Variants in EIF4G2 observed in about 807,000 individuals in gnomAD.
The protein encoded by EIF4G2 is eukaryotic translation initiation factor 4 gamma 2, also known as DAP-5.
A neutral mutation model predicts 117.7 loss-of-function variants in EIF4G2; 8 were observed. That is an observed-to-expected ratio of 0.07 (90% CI 0.04 to 0.12). The LOEUF is 0.12. Among genes scored for constraint, EIF4G2 ranks in the 10% least tolerant of loss-of-function variants. The probability of loss-of-function intolerance (pLI) is 1.00; values close to 1 mark genes in which losing one functional copy is unlikely to be tolerated. For missense variants in EIF4G2, 812 were observed against 1,086.2 expected, an observed-to-expected ratio of 0.75 and a Z score of 3.55; for synonymous variants, 413 against 367.8, an observed-to-expected ratio of 1.12 and a Z score of -1.41.
rs372224386 is a variant in EIF4G2 at position 10,799,762 on chromosome 11, G to A, written c.2120-6C>T. On this transcript the variant is annotated splice_polypyrimidine_tract_variant and splice_region_variant and intron_variant, in intron 18 of 21. Coordinates refer to ENST00000339995, the MANE Select transcript of EIF4G2 (RefSeq NM_001418.4). ...GTCCTTATTCTGATCAATTTCTGAA[G>A]AGACAAAGCCACCTGCATCATCTAA... The A allele has an allele frequency of 7.1e-5, 114 of 1,610,498 alleles. No homozygotes were observed. Among genetic ancestry groups the A allele is most frequent in the Non-Finnish European group, 9.1e-5 (107 of 1,179,178 alleles).
chr11:10,800,132 G>A lies in EIF4G2; in HGVS notation c.2077C>T (p.Leu693Phe), dbSNP rs762024442. 1.9e-6 allele frequency: 3 copies of A among 1,613,910 alleles called. No homozygotes were observed. The highest frequency in any genetic ancestry group is 4.5e-5 in the East Asian group (2 of 44,896). ...ATATTGACCTTGCTTTGTTGAAAAA[G>A]TTCTGTTAACCATTCTCGATCTTGT... Residue 693 changes from leucine (L) to phenylalanine (F), a missense_variant, in exon 18 of 22, where the codon CTT (leucine) becomes TTT (phenylalanine). Leu to Phe is a conservative substitution (Grantham distance 22, BLOSUM62 0). Around this residue, in one of 4 missense-constraint regions of EIF4G2, gnomAD observed 571 missense variants for 642.3 expected, o/e 0.89. Transcript: ENST00000339995.
chr11:10,798,811 T>C (rs947951221), intron 21 of EIF4G2, 181 bp downstream of exon 21: 7 of 730,652 alleles, frequency 9.6e-6, no homozygotes, highest in South Asian at 2.3e-5. Context: ...CCACTAGAAT[T>C]GATTCATTGT....
chr11:10,805,874 C>G (rs1463862852), intron 4 of EIF4G2, 33 bp downstream of exon 4: 1 of 1,613,972 alleles, frequency 6.2e-7, no homozygotes, highest in Non-Finnish European at 8.5e-7. Context: ...TCCACACTTC[C>G]CATCTTTTAG....
rs576531376 is a variant in EIF4G2, at chr11:10,807,186, T to C, written c.41+69A>G. 1.8e-5 allele frequency: 28 copies of C among 1,546,980 alleles called. 1 individual carries two copies. The South Asian group carries it at 2.6e-4, about 15-fold the overall frequency. ...ATTGCAGCCCATTAAGTCGGACTTA[T>C]TTGCTGTGTTAACTACTTTTTGAGA... On this transcript the variant is annotated intron_variant, in intron 2 of 21. Coordinates refer to ENST00000339995, the MANE Select transcript of EIF4G2 (RefSeq NM_001418.4).
At chr11:10,805,873 C>T (rs72854318) in intron 4 of EIF4G2, 34 bp downstream of exon 4, 36,913 of 1,614,018 alleles carry the variant, frequency 0.023, 544 homozygotes, top group Non-Finnish European at 0.028. Context: ...ATCCACACTT[C>T]CCATCTTTTA....
rs1353351825 is a variant in EIF4G2 at position 10,807,367 on chromosome 11, G to A, written c.-72C>T. The A allele has an allele frequency of 6.2e-7, 1 of 1,604,282 alleles. No individual in the cohort carries two copies. The highest frequency in any genetic ancestry group is 1.1e-5 in the South Asian group (1 of 89,756). On this transcript the variant is annotated 5_prime_UTR_variant, in exon 2 of 22. Transcript: ENST00000339995. Reference sequence around the variant, plus strand: ...GATGGGGTGGGGAGGGGAGGGGACAGGAGAAATGAAATACCTGGAACGAGA... The same window carrying A: ...GATGGGGTGGGGAGGGGAGGGGACAAGAGAAATGAAATACCTGGAACGAGA...
At position 10,800,489 on chromosome 11, in the gene EIF4G2, A is replaced by G. The variant is rs1248942579; in HGVS notation, c.1803T>C (p.Ser601=). 1 of 1,614,162 alleles carries G rather than the reference A, an allele frequency of 6.2e-7. No individual in the cohort carries two copies. Among genetic ancestry groups the G allele is most frequent in the Admixed American group, 1.7e-5 (1 of 60,026 alleles). Residue 601 remains serine (S), a synonymous_variant, in exon 17 of 22, where the codon AGT becomes AGC. Coordinates refer to ENST00000339995, the MANE Select transcript of EIF4G2 (RefSeq NM_001418.4). Reference sequence around the variant, plus strand: ...CCTGTTTGAGTAAACTGATCAAAGAACTTGCTTTTTCTTTATCTTCATCGC... The same window carrying G: ...CCTGTTTGAGTAAACTGATCAAAGAGCTTGCTTTTTCTTTATCTTCATCGC...
In EIF4G2 at chr11:10,800,071, C is replaced by CGTTT; in HGVS notation, c.2119+18_2119+19insAAAC. On this transcript the variant is annotated intron_variant, in intron 18 of 21. Transcript: ENST00000339995. Reference sequence around the variant, plus strand: ...TATAATATTAAAAAAACAAAACAAACAAGTCAGCATTCTCTTACCTGGGAG... The same window carrying CGTTT: ...TATAATATTAAAAAAACAAAACAAACGTTTAAGTCAGCATTCTCTTACCTGGGAG... 6.2e-7 allele frequency: 1 copy of CGTTT among 1,604,740 alleles called. No individual in the cohort carries two copies.
chr11:10,798,799 C>T, intron 21 of EIF4G2, 193 bp downstream of exon 21: 1 of 636,924 alleles, frequency 1.6e-6, no homozygotes. Flanking sequence ...ACATCTTATA[C>T]ACCACTAGAA....
chr11:10,808,305 C>T (rs985222102), intron 1 of EIF4G2: 1 of 1,215,220 alleles, frequency 8.2e-7, no homozygotes, highest in Non-Finnish European at 1.0e-6. Flanking sequence ...GGCTCCGGGA[C>T]GCCTGCGGTT....
At position 10,804,374 on chromosome 11, in the gene EIF4G2, A is replaced by G. The variant is rs767101945; in HGVS notation, c.396T>C (p.Tyr132=). Residue 132 remains tyrosine (Y), a synonymous_variant, in exon 6 of 22, where the codon TAT becomes TAC. Transcript: ENST00000339995. ...CTGCCAATCGCAGACATAGCTGAGCATACAGTGAGCTATACTTTGGCTCTT... is the reference window on the plus strand; with the variant it reads ...CTGCCAATCGCAGACATAGCTGAGCGTACAGTGAGCTATACTTTGGCTCTT... 3 of 1,613,948 alleles carry G rather than the reference A, an allele frequency of 1.9e-6. No individual in the cohort carries two copies. Among genetic ancestry groups the G allele is most frequent in the Non-Finnish European group, 1.7e-6 (2 of 1,179,934 alleles).
intron 14 of EIF4G2, 196 bp from the exon 15 acceptor site, chr11:10,801,283 G>A (rs1027890364): frequency 4.5e-6 from 3 of 660,718 alleles, no homozygotes; most frequent in Non-Finnish European, 7.5e-6. Flanking sequence ...ACAGTAGTAA[G>A]ATACTATTAT....
intron 1 of EIF4G2, chr11:10,808,316 C>T (rs1405465092): frequency 1.7e-6 from 2 of 1,209,894 alleles, no homozygotes; most frequent in Non-Finnish European, 2.1e-6. Context: ...GCCTGCGGTT[C>T]CCTGGTCCCG....
intron 13 of EIF4G2, 42 bp downstream of exon 13, chr11:10,802,007 C>A: frequency 4.8e-5 from 1 of 20,670 alleles, no homozygotes. Context: ...ATAAATGTTG[C>A]AGATAAGGTT....
intron 21 of EIF4G2, 149 bp downstream of exon 21, chr11:10,798,843 T>C (rs778421582): frequency 1.1e-6 from 1 of 949,762 alleles, no homozygotes; most frequent in Non-Finnish European, 1.6e-6. Context: ...TAATAATAGC[T>C]TCAAATAGTG....
chr11:10,801,806 T>TA, intron 13 of EIF4G2, 32 bp from the exon 14 acceptor site: 2 of 1,588,508 alleles, frequency 1.3e-6, no homozygotes, highest in Non-Finnish European at 1.7e-6. Context: ...AAAGTCTAGA[T>TA]AAAAAGGGGT....
Position 10,800,161 on chromosome 11 carries a change from T to C in EIF4G2, c.2048A>G (p.Lys683Arg), listed in dbSNP as rs1183997112. 1 of 1,614,166 alleles carries C rather than the reference T, an allele frequency of 6.2e-7. No homozygotes were observed. Among genetic ancestry groups the C allele is most frequent in the Non-Finnish European group, 8.5e-7 (1 of 1,180,034 alleles). Residue 683 changes from lysine to arginine, a missense_variant, in exon 18 of 22, where the codon AAA becomes AGA. Around this residue, in one of 4 missense-constraint regions of EIF4G2, gnomAD observed 571 missense variants for 642.3 expected, o/e 0.89. Transcript: ENST00000339995. ...TGTTAACCATTCTCGATCTTGTAAT[T>C]TAGCTAACTGCTGAAGACAAAGTAG... is the stretch of plus-strand genomic sequence containing the variant.
At position 10,800,811 on chromosome 11, in the gene EIF4G2, T is replaced by C. The variant is rs764340000; in HGVS notation, c.1564A>G (p.Asn522Asp). The change falls in exon 16 of 22, where the codon AAT becomes GAT. Residue 522 changes from asparagine (N) to aspartate (D), a missense_variant. This residue lies in a region of EIF4G2 where 571 missense variants were observed against 642.3 expected (regional missense o/e 0.89). Transcript: ENST00000339995. ...GGCTTTTCCTGGATAAGCGGTGGAT[T>C]AGTTTTGAGACCAAGCTGAGGTGTC... is the stretch of plus-strand genomic sequence containing the variant. The C allele has an allele frequency of 8.7e-6, 14 of 1,614,198 alleles. No individual in the cohort carries two copies. The highest frequency in any genetic ancestry group is 1.0e-5 in the Non-Finnish European group (12 of 1,180,020).
In EIF4G2 at chr11:10,797,132, T is replaced by A. The variant is rs1411672332; in HGVS notation, c.*684A>T. On this transcript the variant is annotated 3_prime_UTR_variant, in exon 22 of 22. Transcript: ENST00000339995. This position sits in a 1 kb window ranked among gnomAD's most constrained non-coding sequence, Gnocchi z 4.5. ...ACATGACTTGATAAATTAAGTAGAC[T>A]TAATTTCAATACTATAATAGGAGGG... The A allele has an allele frequency of 6.6e-6, 1 of 152,630 alleles. No homozygotes were observed. The highest frequency in any genetic ancestry group is 1.5e-5 in the Non-Finnish European group (1 of 68,040). The allele number at this position is 152,630 out of a possible 1,614,324, so 9.5% of individuals were successfully genotyped here.
Sources: gnomAD v4.1 joint callset for allele counts on GRCh38, gnomAD v4.1.1 for gene constraint, gnomAD v4.1.1 regional missense constraint, Gnocchi (gnomAD v3.1) non-coding constraint, MANE v1.5 for transcripts, NCBI Gene and HGNC (gene_info 2026-07-23, HGNC 2026-07-21) for gene names.